The following SULF2 variants were observed in gnomAD, a reference collection of about 807,000 sequenced individuals.
SULF2 encodes the protein sulfatase 2.
SULF2 carries 52 observed loss-of-function variants against 107.7 expected under a neutral mutation model. That is an observed-to-expected ratio of 0.48 (90% CI 0.39 to 0.61). The LOEUF is 0.61. Ranked by LOEUF, SULF2 falls within the 20% of genes least tolerant of loss-of-function variation. The pLI, the probability that SULF2 is intolerant of heterozygous loss-of-function variation, is 0.00. For synonymous variants in SULF2, 460 were observed against 464.3 expected (o/e 0.99, Z 0.12); for missense variants, 993 against 1,177.3 (o/e 0.84, Z 2.29).
chr20:47,680,569 C>T lies in SULF2; in HGVS notation c.1065-1765G>A, dbSNP rs1381266568. The stretch of plus-strand genomic sequence containing the variant: ...GGCAGGGCCTGGGTCCTAGGGTTTC[C>T]GTCATCTTTAACCCCTCATCTCTCC... On this transcript the variant is annotated intron_variant, in intron 7 of 20. Coordinates refer to ENST00000688720, the MANE Select transcript of SULF2 (RefSeq NM_001387048.1). The surrounding 1 kb of genome is among the most constrained non-coding windows in gnomAD (Gnocchi z 4.2). Among the ~76,000 whole-genome samples the T allele has an allele frequency of 6.6e-6, 1 of 152,236 alleles. No homozygotes were observed.
chr20:47,659,488 A>G (rs1355064595), intron 19 of SULF2, 36 bp from the exon 20 acceptor site: 1 of 1,608,498 alleles, frequency 6.2e-7, no homozygotes, highest in Non-Finnish European at 8.5e-7. Context: ...ATGAATGTTA[A>G]CCATCACCAA....
chr20:47,713,562 G>A (rs902241990), intron 3 of SULF2, among the ~76,000 whole-genome samples: 8 of 151,924 alleles, frequency 5.3e-5, no homozygotes, highest in African/African-American at 1.9e-4. Flanking sequence ...AAAAATGGGG[G>A]CAGCAACAAA....
chr20:47,737,910 G>A (rs1345507897), intron 2 of SULF2, among the ~76,000 whole-genome samples: 1 of 151,734 alleles, frequency 6.6e-6, no homozygotes, highest in Non-Finnish European at 1.5e-5. Flanking sequence ...TACGCAGCTA[G>A]TTTCTGTATT....
chr20:47,771,606 C>T (rs1024706478), intron 1 of SULF2, among the ~76,000 whole-genome samples: 4 of 152,144 alleles, frequency 2.6e-5, no homozygotes, highest in African/African-American at 7.2e-5. Context: ...TGCTCAAAGC[C>T]GCCCAACAAC....
Position 47,665,859 on chromosome 20 carries a change from C to T in SULF2, c.1900G>A (p.Glu634Lys), listed in dbSNP as rs755234583. 91 of 1,613,582 alleles carry T rather than the reference C, an allele frequency of 5.6e-5. No homozygotes were observed. Among genetic ancestry groups the T allele is most frequent in the Non-Finnish European group, 2.1e-5 (25 of 1,179,772 alleles). ...CTCCTCTCCCGCTCTCCACTCACCT[C>T]GTGGTCGATGTGCAGCTTGTGGTCT... ...WKDHKLHIDH[E>K]IETLQNKIKN... The change falls in exon 13 of 21, where the codon GAG becomes AAG. Residue 634 changes from glutamate (E) to lysine (K), a missense_variant and splice_region_variant. By Grantham distance (56) the Glu-to-Lys change is moderately conservative. Transcript: ENST00000688720.
intron 4 of SULF2, among the ~76,000 whole-genome samples, chr20:47,690,819 C>G (rs892798010): frequency 1.3e-5 from 2 of 148,232 alleles, no homozygotes; most frequent in African/African-American, 5.0e-5. Context: ...CAGTGAGCCA[C>G]GACTGCATGA....
At chr20:47,685,374 GCCA>G (rs2087963716) in intron 5 of SULF2, 1 of 152,158 alleles carries the variant, frequency 6.6e-6, no homozygotes, top group South Asian at 2.1e-4. Flanking sequence ...ACAGGCGCGT[GCCA>G]CCACACCTGG....
chr20:47,681,398 G>A (rs765376216), intron 7 of SULF2, among the ~76,000 whole-genome samples: 2 of 152,176 alleles, frequency 1.3e-5, no homozygotes, highest in South Asian at 2.1e-4. Context: ...CATGTGGGAT[G>A]TGGTTTTGGG....
chr20:47,696,708 C>T (rs1423391226), intron 4 of SULF2, among the ~76,000 whole-genome samples: 1 of 152,074 alleles, frequency 6.6e-6, no homozygotes, highest in African/African-American at 2.4e-5. Context: ...TGGGGGTGCC[C>T]TTATACAAGG....
At chr20:47,719,937 TATC>T (rs2089237302) in intron 3 of SULF2, among the ~76,000 whole-genome samples, 1 of 152,156 alleles carries the variant, frequency 6.6e-6, no homozygotes, top group Admixed American at 6.5e-5. Flanking sequence ...ATACCATCAT[TATC>T]ATTATTATCT....
rs2089509319 is a variant in SULF2 at position 47,728,536 on chromosome 20, A to T, written c.415+8167T>A. 2.0e-5 allele frequency among the ~76,000 whole-genome samples: 3 copies of T among 152,134 alleles called. No individual in the cohort carries two copies. The South Asian group carries it at 6.2e-4, about 32-fold the overall frequency. On this transcript the variant is annotated intron_variant, in intron 3 of 20. Transcript: ENST00000688720. The stretch of plus-strand genomic sequence containing the variant: ...GACAGAATGTGGAGACTTAGTCACC[A>T]GTCATCCTGGGAAGGTCTCCTGAGC...
At chr20:47,740,857 C>T (rs1355987176) in intron 2 of SULF2, among the ~76,000 whole-genome samples, 2 of 152,054 alleles carry the variant, frequency 1.3e-5, no homozygotes, top group African/African-American at 2.4e-5. Context: ...CCTCAGGTGC[C>T]ACACCCACAG....
rs368884714 is a variant in SULF2, at chr20:47,666,060, C to A, written c.1806-107G>T. 1.9e-6 allele frequency: 3 copies of A among 1,593,148 alleles called. No individual in the cohort carries two copies. The highest frequency in any genetic ancestry group is 2.6e-6 in the Non-Finnish European group (3 of 1,162,648). ...TTGCCGAGGTCTGTCCTGTCCCCTT[C>A]ACCCTCGACTTCCACCTGGACACTC... On this transcript the variant is annotated intron_variant, in intron 12 of 20. Transcript: ENST00000688720. This position sits in a 1 kb window ranked among gnomAD's most constrained non-coding sequence, Gnocchi z 5.4.
intron 3 of SULF2, among the ~76,000 whole-genome samples, chr20:47,725,682 G>C (rs1347237733): frequency 6.6e-6 from 1 of 152,178 alleles, no homozygotes; most frequent in Admixed American, 6.5e-5. Flanking sequence ...TTAAAAAGTA[G>C]AGTGAACAGT....
chr20:47,665,777 A>T, intron 13 of SULF2, 80 bp downstream of exon 13: 1 of 1,229,440 alleles, frequency 8.1e-7, no homozygotes, highest in Non-Finnish European at 1.2e-6. Flanking sequence ...GTCTGGCCTC[A>T]CTGCCCTCCC....
chr20:47,701,521 C>T (rs2088567598), intron 4 of SULF2, among the ~76,000 whole-genome samples: 2 of 152,218 alleles, frequency 1.3e-5, no homozygotes, highest in Admixed American at 1.3e-4. Flanking sequence ...TCAGGCAGCA[C>T]CCACTCACTC....
intron 2 of SULF2, among the ~76,000 whole-genome samples, chr20:47,737,681 T>C (rs2089770907): frequency 6.6e-6 from 1 of 151,892 alleles, no homozygotes; most frequent in Non-Finnish European, 1.5e-5. Context: ...TCTTGCAGCA[T>C]GTGTCCTGAG....
rs749651576 is a variant in SULF2, at chr20:47,663,460, G to A, written c.2220C>T (p.Phe740=). The change falls in exon 16 of 21, where the codon TTC becomes TTT. Residue 740 remains phenylalanine (F), a synonymous_variant. Transcript: ENST00000688720. ...TGCCCTGGGCTTGCTCACGTGTCCAGAAAGGCGCCGTCTGCCAGTGCTGGT... is the reference window on the plus strand; with the variant it reads ...TGCCCTGGGCTTGCTCACGTGTCCAAAAAGGCGCCGTCTGCCAGTGCTGGT... The part of the protein sequence containing the change: ...HDNQHWQTAP[F]WTLGPFCACT... 7 of 1,608,720 alleles carry A rather than the reference G, an allele frequency of 4.4e-6. No homozygotes were observed. The highest frequency in any genetic ancestry group is 5.9e-6 in the Non-Finnish European group (7 of 1,179,996).
intron 3 of SULF2, among the ~76,000 whole-genome samples, chr20:47,711,544 G>A (rs967361097): frequency 2.6e-5 from 4 of 152,216 alleles, no homozygotes; most frequent in African/African-American, 9.7e-5. Flanking sequence ...AATACCAACA[G>A]GGCTTCTTTA....
Sources: gnomAD v4.1 joint callset for allele counts (sites outside exome capture counted in the v4.1 genomes callset) on GRCh38, gnomAD v4.1.1 for gene constraint, Gnocchi (gnomAD v3.1) non-coding constraint, MANE v1.5 for transcripts, NCBI Gene and HGNC (gene_info 2026-07-23, HGNC 2026-07-21) for gene names.